The following LRP1B variants were observed in gnomAD, a reference collection of about 807,000 sequenced individuals.
LRP1B encodes the protein low-density lipoprotein receptor-related protein 1B.
In LRP1B, 217 loss-of-function variants were observed where a neutral mutation model predicts 556.6. The ratio of observed to expected loss-of-function variants is 0.39; its 90% CI spans 0.35 to 0.44. The LOEUF (loss-of-function observed/expected upper bound fraction) is 0.44, where lower values mean the gene tolerates loss of function less well. LRP1B is among the 20% of genes least tolerant of loss of function. The pLI, the probability that LRP1B is intolerant of heterozygous loss-of-function variation, is 1.00. For missense variants in LRP1B, 5,053 were observed against 5,620.8 expected, an observed-to-expected ratio of 0.90 and a Z score of 3.23; for synonymous variants, 2,047 against 1,865.8, an observed-to-expected ratio of 1.10 and a Z score of -2.50.
At chr2:141,960,608 T>G (rs1272088776) in intron 1 of LRP1B, among the ~76,000 whole-genome samples, 1 of 151,924 alleles carries the variant, frequency 6.6e-6, no homozygotes. Flanking sequence ...TTTCAAACAC[T>G]TCTTAAATTT....
intron 20 of LRP1B, among the ~76,000 whole-genome samples, chr2:140,948,821 T>C (rs535016515): frequency 1.3e-5 from 2 of 152,326 alleles, no homozygotes; most frequent in African/African-American, 4.8e-5. Flanking sequence ...GTTCTCCAGG[T>C]AAATTAAAAA....
chr2:140,738,587 C>A (rs1032750494), intron 35 of LRP1B, among the ~76,000 whole-genome samples: 1 of 152,086 alleles, frequency 6.6e-6, no homozygotes, highest in Non-Finnish European at 1.5e-5. Context: ...AAATGCAGAA[C>A]CCCTTTGAAT....
intron 41 of LRP1B, among the ~76,000 whole-genome samples, chr2:140,618,953 T>A (rs1247187022): frequency 6.6e-6 from 1 of 152,086 alleles, no homozygotes; most frequent in East Asian, 1.9e-4. Flanking sequence ...TTCCCATACC[T>A]CTCTCCTCAA....
intron 6 of LRP1B, among the ~76,000 whole-genome samples, chr2:141,220,322 T>C (rs1164481816): frequency 1.3e-5 from 2 of 152,106 alleles, no homozygotes; most frequent in Non-Finnish European, 2.9e-5. Context: ...GAGGAAAGGA[T>C]ATCAGAGCAT....
At chr2:141,048,683 C>T (rs1361305503) in intron 11 of LRP1B, among the ~76,000 whole-genome samples, 2 of 152,014 alleles carry the variant, frequency 1.3e-5, no homozygotes, top group Non-Finnish European at 2.9e-5. Context: ...TACCATACAG[C>T]ACTGTAAACA....
At chr2:141,583,236 T>C (rs1024145246) in intron 2 of LRP1B, among the ~76,000 whole-genome samples, 1 of 152,086 alleles carries the variant, frequency 6.6e-6, no homozygotes, top group African/African-American at 2.4e-5. Flanking sequence ...TGTATGGAAA[T>C]CTGGAATGAG....
At chr2:141,503,532 C>T (rs1016033660) in intron 2 of LRP1B, among the ~76,000 whole-genome samples, 1 of 151,962 alleles carries the variant, frequency 6.6e-6, no homozygotes, top group Non-Finnish European at 1.5e-5. Flanking sequence ...TCTACCTGTA[C>T]ATAGAATGTA....
At chr2:140,390,860 G>A (rs1683986399) in intron 66 of LRP1B, among the ~76,000 whole-genome samples, 1 of 150,762 alleles carries the variant, frequency 6.6e-6, no homozygotes, top group African/African-American at 2.4e-5. Context: ...TCAAGCTAAT[G>A]CAAATGAAAA....
chr2:140,514,932 A>ATCAGCT (rs1689825879), intron 50 of LRP1B, among the ~76,000 whole-genome samples, 160 bp from the exon 51 acceptor site: 2 of 152,012 alleles, frequency 1.3e-5, no homozygotes, highest in Non-Finnish European at 2.9e-5. Flanking sequence ...AAATTTTGGC[A>ATCAGCT]TCAGCTTGCA....
intron 2 of LRP1B, among the ~76,000 whole-genome samples, chr2:141,790,153 C>A (rs1695564695): frequency 6.6e-6 from 1 of 151,762 alleles, no homozygotes; most frequent in Admixed American, 6.6e-5. Flanking sequence ...CATAGTTTGT[C>A]CCTGGAGATA....
chr2:141,122,153 C>T (rs142041493), intron 7 of LRP1B, among the ~76,000 whole-genome samples: 2,641 of 152,012 alleles, frequency 0.017, 34 homozygotes, highest in Middle Eastern at 0.037. Context: ...AAACCCTAGA[C>T]GAAAACCTAG....
intron 3 of LRP1B, among the ~76,000 whole-genome samples, chr2:141,451,170 A>G (rs1382361710): frequency 6.6e-6 from 1 of 152,228 alleles, no homozygotes; most frequent in African/African-American, 2.4e-5. Flanking sequence ...TGTAGGACCC[A>G]GGAGTGTTTG....
intron 43 of LRP1B, among the ~76,000 whole-genome samples, chr2:140,554,396 TG>T (rs1212858575): frequency 1.3e-5 from 2 of 152,126 alleles, no homozygotes; most frequent in African/African-American, 4.8e-5. Context: ...AAACAGTTTG[TG>T]ATTCATAAGC....
At chr2:140,678,935 G>A (rs1685768147) in intron 41 of LRP1B, among the ~76,000 whole-genome samples, 1 of 152,076 alleles carries the variant, frequency 6.6e-6, no homozygotes, top group Non-Finnish European at 1.5e-5. Context: ...CTGCCATCAT[G>A]CCCTGCTAAT....
chr2:141,463,471 G>A (rs968285232), intron 3 of LRP1B, among the ~76,000 whole-genome samples: 77 of 146,500 alleles, frequency 5.3e-4, no homozygotes, highest in Non-Finnish European at 3.3e-4. Context: ...CAGTCAAATA[G>A]CAAAAGCCTA....
intron 1 of LRP1B, among the ~76,000 whole-genome samples, chr2:141,818,968 C>A (rs112515924): frequency 6.6e-6 from 1 of 151,394 alleles, no homozygotes; most frequent in Non-Finnish European, 1.5e-5. Context: ...TGGCCAGGTG[C>A]GGTGGCTCAC....
At chr2:141,515,110 T>C (rs1176328675) in intron 2 of LRP1B, among the ~76,000 whole-genome samples, 1 of 151,986 alleles carries the variant, frequency 6.6e-6, no homozygotes, top group African/African-American at 2.4e-5. Context: ...TGAGACCAGA[T>C]TGACCAACAT....
chr2:141,579,173 T>C (rs1036790255), intron 2 of LRP1B, among the ~76,000 whole-genome samples: 4 of 151,812 alleles, frequency 2.6e-5, no homozygotes, highest in African/African-American at 9.7e-5. Flanking sequence ...CTGTAAACGA[T>C]CTCTGCACAA....
At chr2:140,722,521 T>G (rs936350424) in intron 35 of LRP1B, among the ~76,000 whole-genome samples, 2 of 152,270 alleles carry the variant, frequency 1.3e-5, no homozygotes, top group South Asian at 2.1e-4. Context: ...CATTAATACC[T>G]CTTAGTACAG....
Sources: gnomAD v4.1 joint callset for allele counts (sites outside exome capture counted in the v4.1 genomes callset) on GRCh38, gnomAD v4.1.1 for gene constraint, MANE v1.5 for transcripts, NCBI Gene and HGNC (gene_info 2026-07-23, HGNC 2026-07-21) for gene names.